Variants in TMEM255B observed in about 807,000 individuals in gnomAD.
The protein encoded by TMEM255B is transmembrane protein 255B.
TMEM255B carries 35 observed loss-of-function variants against 34.5 expected under a neutral mutation model. That is an observed-to-expected ratio of 1.01 (90% CI 0.77 to 1.34). TMEM255B has a LOEUF of 1.34. TMEM255B is among the 40% of genes most tolerant of loss of function. The probability of loss-of-function intolerance (pLI) is 0.00; values close to 1 mark genes in which losing one functional copy is unlikely to be tolerated. For missense variants in TMEM255B, 432 were observed against 433.2 expected (o/e 1.00, Z 0.02); for synonymous variants, 206 against 201.2 (o/e 1.02, Z -0.20).
chr13:113,800,723 G>T, intron 5 of TMEM255B, 104 bp from the exon 6 acceptor site: 1 of 1,072,178 alleles, frequency 9.3e-7, no homozygotes, highest in Non-Finnish European at 1.4e-6. Flanking sequence ...GCTTGGCTGG[G>T]CCTCAGTGGC....
At chr13:113,788,476 C>A (rs923763838) in intron 3 of TMEM255B, among the ~76,000 whole-genome samples, 1 of 151,900 alleles carries the variant, frequency 6.6e-6, no homozygotes, top group East Asian at 1.9e-4. Context: ...GCACTGCCTG[C>A]GTGGCCTGGC....
intron 3 of TMEM255B, among the ~76,000 whole-genome samples, chr13:113,779,959 G>A (rs2138541024): frequency 6.6e-6 from 1 of 152,282 alleles, no homozygotes; most frequent in East Asian, 1.9e-4. Context: ...TTAATTATTT[G>A]TATACAGTGC....
chr13:113,784,531 TGAAGAG>T (rs2050711295), intron 3 of TMEM255B, among the ~76,000 whole-genome samples: 1 of 148,280 alleles, frequency 6.7e-6, no homozygotes, highest in South Asian at 2.1e-4. Flanking sequence ...GAGAAGGATA[TGAAGAG>T]GAAGAAGAAG....
chr13:113,769,282 C>T lies in TMEM255B; in HGVS notation c.252+122C>T. 9.3e-7 allele frequency: 1 copy of T among 1,076,140 alleles called. No homozygotes were observed. The highest frequency in any genetic ancestry group is 1.9e-5 in the Admixed American group (1 of 52,330). The allele number at this position is 1,076,140 out of a possible 1,614,324, so 66.7% of individuals were successfully genotyped here. On this transcript the variant is annotated intron_variant, in intron 3 of 8. Transcript: ENST00000375353. The surrounding 1 kb of genome is among the most constrained non-coding windows in gnomAD (Gnocchi z 4.2). ...AGCACACTGGTGTCTACAGGACCAGCTCTGAGGTTCCCGGGCTGTGGCCTG... is the reference window on the plus strand; with the variant it reads ...AGCACACTGGTGTCTACAGGACCAGTTCTGAGGTTCCCGGGCTGTGGCCTG...
chr13:113,784,014 A>C (rs1027081588), intron 3 of TMEM255B, among the ~76,000 whole-genome samples: 5 of 152,130 alleles, frequency 3.3e-5, no homozygotes, highest in Admixed American at 1.3e-4. Flanking sequence ...GAGAATTTGA[A>C]AGTCAAAGAT....
At chr13:113,775,775 G>A (rs564968268) in intron 3 of TMEM255B, among the ~76,000 whole-genome samples, 9 of 152,326 alleles carry the variant, frequency 5.9e-5, no homozygotes, top group African/African-American at 1.9e-4. Flanking sequence ...CCTCACCACC[G>A]AGGCCTCTTT....
chr13:113,794,557 C>T (rs557459894), intron 3 of TMEM255B, among the ~76,000 whole-genome samples: 2 of 152,162 alleles, frequency 1.3e-5, no homozygotes, highest in Non-Finnish European at 2.9e-5. Context: ...CAGCACCCGC[C>T]CTCTGGTCAG....
chr13:113,794,680 GA>G (rs1484864995), intron 3 of TMEM255B, among the ~76,000 whole-genome samples: 1 of 152,224 alleles, frequency 6.6e-6, no homozygotes, highest in Non-Finnish European at 1.5e-5. Context: ...CTATCCATCA[GA>G]GTGCACTGGT....
chr13:113,774,832 C>T lies in TMEM255B; in HGVS notation c.252+5672C>T, dbSNP rs376070990. ...CTACACACACCACCTACAACACACA[C>T]GACACACACAACACACAATGCACAC... On this transcript the variant is annotated intron_variant, in intron 3 of 8. Coordinates refer to ENST00000375353, the MANE Select transcript of TMEM255B (RefSeq NM_182614.4). Among the ~76,000 whole-genome samples, 162 of 149,454 alleles carry T rather than the reference C, an allele frequency of 1.1e-3. 1 individual carries two copies. In the East Asian group the frequency reaches 0.03, roughly 27 times the overall value.
chr13:113,811,682 T>C (rs2051311586), intron 8 of TMEM255B, 54 bp from the exon 9 acceptor site: 14 of 1,603,488 alleles, frequency 8.7e-6, no homozygotes, highest in Non-Finnish European at 1.2e-5. Flanking sequence ...TTCCCTGTGG[T>C]CCGGCACGGG....
chr13:113,762,742 C>G (rs999133679), intron 1 of TMEM255B, among the ~76,000 whole-genome samples: 3 of 152,196 alleles, frequency 2.0e-5, no homozygotes, highest in African/African-American at 7.2e-5. Flanking sequence ...GAACCAGAAT[C>G]CAGTCACAGG....
At chr13:113,760,072 C>G (rs1350498548) in intron 1 of TMEM255B, among the ~76,000 whole-genome samples, 2 of 152,114 alleles carry the variant, frequency 1.3e-5, no homozygotes, top group Non-Finnish European at 2.9e-5. Flanking sequence ...AAACAGAGTT[C>G]CCTAGAAAGT....
intron 5 of TMEM255B, chr13:113,799,759 A>G (rs1156998717): frequency 1.4e-6 from 1 of 690,470 alleles, no homozygotes; most frequent in African/African-American, 1.8e-5. Context: ...GTGTCCGAGA[A>G]ACTTCTGGAT....
At position 113,780,359 on chromosome 13, in the gene TMEM255B, C is replaced by G. The variant is rs116975238; in HGVS notation, c.252+11199C>G. Among the ~76,000 whole-genome samples, 178 of 152,324 alleles carry G rather than the reference C, an allele frequency of 1.2e-3. 1 individual carries two copies. The highest frequency in any genetic ancestry group is 1.9e-3 in the Non-Finnish European group (130 of 68,020). On this transcript the variant is annotated intron_variant, in intron 3 of 8. Transcript: ENST00000375353. ...AAAACAGATTCTTATTGCACTTATG[C>G]AAATCACTATATTGCCATAACTTAA...
At chr13:113,762,150 C>G (rs571962513) in intron 1 of TMEM255B, among the ~76,000 whole-genome samples, 1 of 149,750 alleles carries the variant, frequency 6.7e-6, no homozygotes, top group Non-Finnish European at 1.5e-5. Flanking sequence ...TTTTAATTAT[C>G]TTTCTCCTAA....
chr13:113,772,881 T>G (rs2050500692), intron 3 of TMEM255B, among the ~76,000 whole-genome samples: 1 of 152,220 alleles, frequency 6.6e-6, no homozygotes, highest in Admixed American at 6.5e-5. Flanking sequence ...TTGGCAATTC[T>G]GAATCCCTTG....
At chr13:113,776,071 T>C (rs1277892093) in intron 3 of TMEM255B, among the ~76,000 whole-genome samples, 1 of 152,180 alleles carries the variant, frequency 6.6e-6, no homozygotes, top group Non-Finnish European at 1.5e-5. Flanking sequence ...ACCTCCTCCA[T>C]GCAAACGCCT....
intron 4 of TMEM255B, among the ~76,000 whole-genome samples, chr13:113,796,013 C>T (rs2050924210): frequency 6.9e-6 from 1 of 145,134 alleles, no homozygotes. Flanking sequence ...ACACACAGAG[C>T]ACACAGCACA....
intron 6 of TMEM255B, among the ~76,000 whole-genome samples, chr13:113,801,300 C>G (rs1272838214): frequency 1.3e-5 from 2 of 152,368 alleles, no homozygotes; most frequent in African/African-American, 4.8e-5. Flanking sequence ...GCATGGCCCC[C>G]TCTTGGGACA....
Sources: allele counts gnomAD v4.1 joint callset (sites outside exome capture counted in the v4.1 genomes callset), GRCh38; gene constraint gnomAD v4.1.1; non-coding constraint Gnocchi (gnomAD v3.1); transcripts MANE v1.5; gene names NCBI Gene and HGNC (gene_info 2026-07-23, HGNC 2026-07-21).